The following LRRC57 variants were observed in gnomAD, a reference collection of about 807,000 sequenced individuals.
LRRC57 encodes leucine-rich repeat-containing protein 57.
In LRRC57, 14 loss-of-function variants were observed where a neutral mutation model predicts 23.1. The observed-to-expected ratio is 0.61, with a 90% confidence interval of 0.40 to 0.95. LRRC57 has a LOEUF of 0.95. Ranked by LOEUF, LRRC57 falls within the 40% of genes least tolerant of loss-of-function variation. LRRC57 has a pLI of 0.00. For missense variants in LRRC57, 236 were observed against 284.4 expected (o/e 0.83, Z 1.22); for synonymous variants, 106 against 115.2 (o/e 0.92, Z 0.51).
Position 42,548,694 on chromosome 15 carries a change from TC to T in LRRC57, c.-25del, listed in dbSNP as rs1055754076. 2.6e-5 allele frequency: 16 copies of T among 624,070 alleles called. No individual in the cohort carries two copies. The highest frequency in any genetic ancestry group is 3.9e-5 in the Non-Finnish European group (14 of 359,078). 38.7% of individuals were successfully genotyped at this position (624,070 alleles called of 1,614,324 possible). ...AAGATCAGGGAGCCCCGGACTCGCCTCCCACCGCTCAGCTGCCGTAAGGCTC... is the reference window on the plus strand; with the variant it reads ...AAGATCAGGGAGCCCCGGACTCGCCTCCACCGCTCAGCTGCCGTAAGGCTC... On this transcript the variant is annotated splice_region_variant and 5_prime_UTR_variant, in exon 1 of 6. Transcript: ENST00000397130.
At chr15:42,536,654 C>G (rs1018908579), downstream of LRRC57, among the ~76,000 whole-genome samples, 13 of 152,210 alleles carry the variant, frequency 8.5e-5, no homozygotes, top group Admixed American at 4.6e-4. Flanking sequence ...CAAAATTAGA[C>G]TCCATCATGC....
chr15:42,542,058 CTTT>C lies in LRRC57; in HGVS notation c.*2022_*2024del, dbSNP rs368849694. ...ACAGGCGTGAGCCACCGCGCCCGGC[CTTT>C]TTTTTTTTTTTTGAGACGCAGTCTC... On this transcript the variant is annotated 3_prime_UTR_variant, in exon 6 of 6. Transcript: ENST00000397130. The C allele has an allele frequency of 0.049, 6,064 of 124,564 alleles. 438 individuals are homozygous for C. Among genetic ancestry groups the C allele is most frequent in the African/African-American group, 0.17 (5,585 of 33,426 alleles). The allele number at this position is 124,564 out of a possible 1,614,324, so 7.7% of individuals were successfully genotyped here. A position where few individuals can be genotyped will look rare whatever the true frequency, so the allele number is the denominator to read the frequency against.
At chr15:42,532,152 C>T in the LRRC57 span, 3 of 151,366 alleles carry the variant, frequency 2.0e-5, no homozygotes, top group Non-Finnish European at 4.4e-5. Context: ...AGTGCAATAG[C>T]GCGATCTGGG....
chr15:42,544,555 G>A (rs548122779), intron 5 of LRRC57, among the ~76,000 whole-genome samples: 1 of 151,730 alleles, frequency 6.6e-6, no homozygotes, highest in African/African-American at 2.4e-5. Flanking sequence ...GGGTGTGGTG[G>A]CTTACACCTG....
intron 4 of LRRC57, among the ~76,000 whole-genome samples, chr15:42,546,775 C>T (rs1189170896): frequency 6.6e-6 from 1 of 152,128 alleles, no homozygotes; most frequent in Admixed American, 6.5e-5. Context: ...CTCCAGAAAG[C>T]CTATCACTTA....
chr15:42,529,315 G>T, the LRRC57 span, among the ~76,000 whole-genome samples: 2 of 152,170 alleles, frequency 1.3e-5, no homozygotes, highest in Admixed American at 1.3e-4. Flanking sequence ...CACTTGAGGG[G>T]CTTATTAAAC....
downstream of LRRC57, among the ~76,000 whole-genome samples, chr15:42,533,468 A>G (rs1301588647): frequency 6.6e-6 from 1 of 152,144 alleles, no homozygotes; most frequent in Non-Finnish European, 1.5e-5. Flanking sequence ...CCATGTCAAA[A>G]TGAGTGGTTT....
chr15:42,538,618 A>G lies in LRRC57; in HGVS notation c.*5465T>C, dbSNP rs2057612389. ...AGCCTTCTATTTCTGTACAACTTGT[A>G]AAATTCTACTTTCATGCCTTATAGA... On this transcript the variant is annotated 3_prime_UTR_variant, in exon 6 of 6. Coordinates refer to ENST00000397130, the MANE Select transcript of LRRC57 (RefSeq NM_153260.3). The G allele has an allele frequency of 1.3e-5, 2 of 152,302 alleles. 1 individual carries two copies. Among genetic ancestry groups the G allele is most frequent in the South Asian group, 4.1e-4 (2 of 4,826 alleles). 9.4% of individuals were successfully genotyped at this position (152,302 alleles called of 1,614,324 possible). A position where few individuals can be genotyped will look rare whatever the true frequency, so the allele number is the denominator to read the frequency against.
At chr15:42,531,059 A>G in the LRRC57 span, among the ~76,000 whole-genome samples, 1 of 152,214 alleles carries the variant, frequency 6.6e-6, no homozygotes, top group African/African-American at 2.4e-5. Flanking sequence ...GGACTCACAC[A>G]AGGTCCAGAT....
chr15:42,548,305 G>T, intron 2 of LRRC57, 46 bp downstream of exon 2: 1 of 1,613,744 alleles, frequency 6.2e-7, no homozygotes, highest in Non-Finnish European at 8.5e-7. Context: ...CGCCCCCGCC[G>T]TCCCTCTCCC....
At chr15:42,536,481 T>C (rs953649274), downstream of LRRC57, among the ~76,000 whole-genome samples, 2 of 152,178 alleles carry the variant, frequency 1.3e-5, no homozygotes, top group Admixed American at 6.5e-5. Context: ...CTCTGTGAAT[T>C]TGATGAAAGA....
At chr15:42,547,133 G>T in intron 4 of LRRC57, 128 bp downstream of exon 4, 1 of 1,034,038 alleles carries the variant, frequency 9.7e-7, no homozygotes, top group Non-Finnish European at 1.4e-6. Flanking sequence ...GCCTATAGAA[G>T]AAACCTCTCA....
At chr15:42,534,450 C>T (rs888166871), downstream of LRRC57, among the ~76,000 whole-genome samples, 12 of 152,138 alleles carry the variant, frequency 7.9e-5, no homozygotes, top group Non-Finnish European at 1.0e-4. Context: ...AGTCTTCAAA[C>T]GCCCAGTCAT....
chr15:42,535,862 CAATT>C (rs1447309805), downstream of LRRC57, among the ~76,000 whole-genome samples: 2 of 152,178 alleles, frequency 1.3e-5, no homozygotes, highest in Non-Finnish European at 2.9e-5. Context: ...ACACATTTCT[CAATT>C]AAGTCTGCCA....
chr15:42,548,150 T>C lies in LRRC57; in HGVS notation c.179A>G (p.Lys60Arg), dbSNP rs150074071. 9.9e-6 allele frequency: 16 copies of C among 1,614,094 alleles called. No homozygotes were observed. The African/African-American group carries it at 1.2e-4, about 12-fold the overall frequency. Residue 60 changes from lysine (K) to arginine (R), a missense_variant, in exon 3 of 6, where the codon AAG becomes AGG. Transcript: ENST00000397130. The part of the protein sequence containing the change: ...IESLPPLLIG[K>R]FTLLKSLSLN... The stretch of plus-strand genomic sequence containing the variant: ...GGAGAGGCTCTTCAGCAGAGTGAAC[T>C]TTCCTATCAGCAAAGGCGGTAGGCT...
In LRRC57 at chr15:42,543,998, C is replaced by T; in HGVS notation, c.*85G>A. ...ATCTCCTTACTGTAGATACCCCTAACAACAACAGGAGGCTTTGACTCAGCC... is the reference window on the plus strand; with the variant it reads ...ATCTCCTTACTGTAGATACCCCTAATAACAACAGGAGGCTTTGACTCAGCC... On this transcript the variant is annotated 3_prime_UTR_variant, in exon 6 of 6. Coordinates refer to ENST00000397130, the MANE Select transcript of LRRC57 (RefSeq NM_153260.3). The T allele has an allele frequency of 1.8e-6, 2 of 1,081,558 alleles. No homozygotes were observed. Among genetic ancestry groups the T allele is most frequent in the Non-Finnish European group, 2.8e-6 (2 of 717,212 alleles). 67.0% of individuals were successfully genotyped at this position (1,081,558 alleles called of 1,614,324 possible). A position where few individuals can be genotyped will look rare whatever the true frequency, so the allele number is the denominator to read the frequency against.
At chr15:42,528,539 T>A in the LRRC57 span, 5 of 1,026,216 alleles carry the variant, frequency 4.9e-6, no homozygotes, top group African/African-American at 4.9e-5. Flanking sequence ...ATTCCATTTT[T>A]AAAATGCATT....
At chr15:42,528,651 T>G in the LRRC57 span, among the ~76,000 whole-genome samples, 1 of 152,188 alleles carries the variant, frequency 6.6e-6, no homozygotes, top group Non-Finnish European at 1.5e-5. Flanking sequence ...AGTGGCGTGA[T>G]CTCAGCTCAC....
downstream of LRRC57, among the ~76,000 whole-genome samples, chr15:42,535,906 G>A (rs994095760): frequency 3.3e-5 from 5 of 152,210 alleles, no homozygotes; most frequent in Admixed American, 2.0e-4. Context: ...AGATGAGACC[G>A]TTTCTACAAA....
Sources: allele counts gnomAD v4.1 joint callset (sites outside exome capture counted in the v4.1 genomes callset), GRCh38; gene constraint gnomAD v4.1.1; transcripts MANE v1.5; gene names NCBI Gene and HGNC (gene_info 2026-07-23, HGNC 2026-07-21).